The following TRPM3 variants were observed in gnomAD, a reference collection of about 807,000 sequenced individuals.
TRPM3 encodes transient receptor potential cation channel subfamily M member 3, also known as long transient receptor potential channel 3.
TRPM3 carries 77 observed loss-of-function variants against 181.2 expected under a neutral mutation model. That is an observed-to-expected ratio of 0.42 (90% confidence interval 0.35 to 0.51). TRPM3 has a LOEUF of 0.51. Ranked by LOEUF, TRPM3 falls within the 20% of genes least tolerant of loss-of-function variation. The probability of loss-of-function intolerance (pLI) is 0.01; values close to 1 mark genes in which losing one functional copy is unlikely to be tolerated. For missense variants in TRPM3, 1,759 were observed against 2,196.7 expected (o/e 0.80, Z 3.98); for synonymous variants, 745 against 796.4 (o/e 0.94, Z 1.09).
At chr9:70,776,311 G>A (rs916999697) in intron 7 of TRPM3, 10 of 582,348 alleles carry the variant, frequency 1.7e-5, no homozygotes, top group African/African-American at 5.8e-5. Context: ...CTGTAAAGTC[G>A]AAGGAAGCTG....
At chr9:70,784,082 A>G in intron 7 of TRPM3, 23 bp downstream of exon 7, 1 of 1,607,884 alleles carries the variant, frequency 6.2e-7, no homozygotes, top group Non-Finnish European at 8.5e-7. Context: ...GGGTTCTTCC[A>G]TGGGGCCTGG....
chr9:70,659,741 A>G (rs1321584541), intron 9 of TRPM3, among the ~76,000 whole-genome samples: 1 of 152,196 alleles, frequency 6.6e-6, no homozygotes, highest in Non-Finnish European at 1.5e-5. Flanking sequence ...CTTCAAAATA[A>G]TGTTAATATT....
In TRPM3 at chr9:71,339,198, T is replaced by C. The variant is rs572481901; in HGVS notation, c.183+107455A>G. On this transcript the variant is annotated intron_variant, in intron 1 of 24. Transcript: ENST00000357533. ...CTTAAAAGATATAAATGGAGACTTA[T>C]ATAAATTAAAAACACCCCTTGTTAT... 5.3e-4 allele frequency among the ~76,000 whole-genome samples: 80 copies of C among 152,222 alleles called. 1 individual carries two copies. In the South Asian group the frequency reaches 0.011, roughly 21 times the overall value.
chr9:71,346,178 G>T lies in TRPM3; in HGVS notation c.183+100475C>A, dbSNP rs377602436. Reference sequence around the variant, plus strand: ...AATTATATGACATATTCATACAATGGAATGCCACTCAACAATAAAAAGAAA... The same window carrying T: ...AATTATATGACATATTCATACAATGTAATGCCACTCAACAATAAAAAGAAA... On this transcript the variant is annotated intron_variant, in intron 1 of 24. Transcript: ENST00000357533. Among the ~76,000 whole-genome samples, 8 of 152,110 alleles carry T rather than the reference G, an allele frequency of 5.3e-5. No individual in the cohort carries two copies. The East Asian group carries it at 9.6e-4, about 18-fold the overall frequency.
Position 70,636,770 on chromosome 9 carries a change from C to G in TRPM3, c.1582-1509G>C, listed in dbSNP as rs542485400. On this transcript the variant is annotated intron_variant, in intron 11 of 25. Transcript: ENST00000677713. ...TGGTGTGATCTCAGCTCACTGCAACCTCCACCTCCAGGGTTCAAGATATTC... is the reference window on the plus strand; with the variant it reads ...TGGTGTGATCTCAGCTCACTGCAACGTCCACCTCCAGGGTTCAAGATATTC... Among the ~76,000 whole-genome samples the G allele has an allele frequency of 1.1e-4, 16 of 151,544 alleles. No homozygotes were observed. In the South Asian group the frequency reaches 1.5e-3, roughly 14 times the overall value.
chr9:71,257,824 T>G (rs2082768300), intron 1 of TRPM3, among the ~76,000 whole-genome samples: 1 of 152,184 alleles, frequency 6.6e-6, no homozygotes, highest in Non-Finnish European at 1.5e-5. Flanking sequence ...ATCCCTCCAT[T>G]ATAGCTGATA....
intron 7 of TRPM3, among the ~76,000 whole-genome samples, chr9:70,778,174 T>C (rs1051961492): frequency 2.0e-5 from 3 of 152,178 alleles, no homozygotes; most frequent in Admixed American, 6.6e-5. Flanking sequence ...CAGTTTTTGA[T>C]GGAAAAGGGG....
At chr9:71,150,025 AC>A (rs1162441094) in intron 1 of TRPM3, among the ~76,000 whole-genome samples, 1 of 152,170 alleles carries the variant, frequency 6.6e-6, no homozygotes, top group Non-Finnish European at 1.5e-5. Context: ...GAATAAGTAT[AC>A]AAATTTACAC....
chr9:70,942,984 T>A (rs2096900155), intron 1 of TRPM3, among the ~76,000 whole-genome samples: 1 of 152,040 alleles, frequency 6.6e-6, no homozygotes, highest in Non-Finnish European at 1.5e-5. Context: ...GTTTCCTAAC[T>A]GGGGTCCTGT....
At chr9:71,216,901 G>T (rs1218008613) in intron 1 of TRPM3, among the ~76,000 whole-genome samples, 1 of 143,872 alleles carries the variant, frequency 7.0e-6, no homozygotes, top group Non-Finnish European at 1.5e-5. Context: ...AATTTGTACA[G>T]CACAAGTTTT....
chr9:70,580,243 C>T (rs997788510), intron 22 of TRPM3, among the ~76,000 whole-genome samples: 8 of 152,172 alleles, frequency 5.3e-5, no homozygotes, highest in African/African-American at 1.9e-4. Flanking sequence ...CTATGCATCC[C>T]ATAAACTGAA....
rs148333415 is a variant in TRPM3 at position 70,547,201 on chromosome 9, A to G, written c.3707+2341T>C. ...TATTGGGGTTATCTAATATGAATGT[A>G]AAATTATATAATCTACACACTGTAT... On this transcript the variant is annotated intron_variant, in intron 25 of 25. Coordinates refer to ENST00000677713, the MANE Select transcript of TRPM3 (RefSeq NM_001366145.2). Among the ~76,000 whole-genome samples the G allele has an allele frequency of 1.4e-3, 207 of 152,208 alleles. 7 individuals are homozygous for G. In the East Asian group the frequency reaches 0.036, roughly 26 times the overall value.
chr9:70,757,026 CA>C (rs141210226), intron 8 of TRPM3, among the ~76,000 whole-genome samples: 33,153 of 151,786 alleles, frequency 0.22, 4,443 homozygotes, highest in Non-Finnish European at 0.3. Context: ...AAAAACACTT[CA>C]AAAAAATCAA....
chr9:70,536,728 G>A lies in TRPM3; in HGVS notation c.4385C>T (p.Pro1462Leu), dbSNP rs1264484958. 5.0e-6 allele frequency: 8 copies of A among 1,614,200 alleles called. No homozygotes were observed. Among genetic ancestry groups the A allele is most frequent in the Admixed American group, 3.3e-5 (2 of 60,022 alleles). Residue 1462 changes from proline (P) to leucine (L), a missense_variant, in exon 26 of 26, where the codon CCC becomes CTC. Transcript: ENST00000677713. ...GCTCCGGCTTGGAGGTCTGTCTGTG[G>A]GTGCAAGTGTTGCATAGGCACTACT... ...PSSSAYATLA[P>L]TDRPPSRSID... is the part of the protein sequence containing the mutation.
chr9:71,269,212 T>C (rs1184775470), intron 1 of TRPM3, among the ~76,000 whole-genome samples: 2 of 152,346 alleles, frequency 1.3e-5, no homozygotes, highest in East Asian at 3.9e-4. Flanking sequence ...ACAATTCCTG[T>C]TCTTAAGTAA....
intron 1 of TRPM3, among the ~76,000 whole-genome samples, chr9:71,097,028 T>G (rs1192321681): frequency 6.6e-6 from 1 of 152,136 alleles, no homozygotes; most frequent in Non-Finnish European, 1.5e-5. Context: ...GTGACCTATT[T>G]GGCCAGCGCC....
intron 1 of TRPM3, among the ~76,000 whole-genome samples, chr9:71,358,283 T>G (rs1344147983): frequency 6.6e-6 from 1 of 152,154 alleles, no homozygotes; most frequent in Non-Finnish European, 1.5e-5. Flanking sequence ...TATAAATAAT[T>G]CATTCATTAG....
At position 71,319,298 on chromosome 9, in the gene TRPM3, C is replaced by A. The variant is rs547820121; in HGVS notation, c.183+127355G>T. Reference sequence around the variant, plus strand: ...TGGGACTAAGAAGTTCCATAGTCTGCTGTCTGCTCCCTGGAGGCCTAGGAA... The same window carrying A: ...TGGGACTAAGAAGTTCCATAGTCTGATGTCTGCTCCCTGGAGGCCTAGGAA... On this transcript the variant is annotated intron_variant, in intron 1 of 24. Coordinates refer to the TRPM3 transcript ENST00000357533. Among the ~76,000 whole-genome samples the A allele has an allele frequency of 2.1e-3, 325 of 152,252 alleles. 2 individuals carry two copies. Among genetic ancestry groups the A allele is most frequent in the Non-Finnish European group, 3.6e-3 (244 of 68,024 alleles).
chr9:71,331,752 A>G (rs996296637), intron 1 of TRPM3, among the ~76,000 whole-genome samples: 31 of 84,112 alleles, frequency 3.7e-4, no homozygotes, highest in Non-Finnish European at 5.7e-4. Context: ...GAGGAGGAAA[A>G]GGGGGAGAAA....
Sources: allele counts gnomAD v4.1 joint callset (sites outside exome capture counted in the v4.1 genomes callset), GRCh38; gene constraint gnomAD v4.1.1; transcripts MANE v1.5; gene names NCBI Gene and HGNC (gene_info 2026-07-23, HGNC 2026-07-21).